The following HDLBP variants were observed in gnomAD, a reference collection of about 807,000 sequenced individuals.
HDLBP encodes the protein high density lipoprotein binding protein.
HDLBP carries 30 observed loss-of-function variants against 137.3 expected under a neutral mutation model. The ratio of observed to expected loss-of-function variants is 0.22; its 90% CI spans 0.16 to 0.30. The LOEUF is 0.30. HDLBP is among the 10% of genes least tolerant of loss of function. The pLI is 1.00. For synonymous variants in HDLBP, 606 were observed against 596.0 expected (o/e 1.02, Z -0.24); for missense variants, 1,119 against 1,667.3 (o/e 0.67, Z 5.73).
chr2:241,235,087 G>A, intron 23 of HDLBP, 34 bp downstream of exon 23: 1 of 1,607,160 alleles, frequency 6.2e-7, no homozygotes, highest in African/African-American at 1.3e-5. Context: ...GAGCACCATG[G>A]CTCTGGGCAG....
chr2:241,272,378 G>A lies in HDLBP; in HGVS notation c.-102-3837C>T. 1.0e-6 allele frequency: 1 copy of A among 984,142 alleles called. No homozygotes were observed. Among genetic ancestry groups the A allele is most frequent in the Non-Finnish European group, 1.2e-6 (1 of 829,568 alleles). The allele number at this position is 984,142 out of a possible 1,614,324, so 61.0% of individuals were successfully genotyped here. A position where few individuals can be genotyped will look rare whatever the true frequency, so the allele number is the denominator to read the frequency against. ...TCAGCGACCTGGGCTCAGGTCGGCCGCCCCTCCGCGCCGTGCGGCCACGGC... is the reference window on the plus strand; with the variant it reads ...TCAGCGACCTGGGCTCAGGTCGGCCACCCCTCCGCGCCGTGCGGCCACGGC... On this transcript the variant is annotated intron_variant, in intron 1 of 27. Transcript: ENST00000310931. The surrounding 1 kb of genome is among the most constrained non-coding windows in gnomAD (Gnocchi z 5.6).
Position 241,240,491 on chromosome 2 carries a change from C to A in HDLBP, c.2170-369G>T, listed in dbSNP as rs1264823383. On this transcript the variant is annotated intron_variant, in intron 17 of 27. Coordinates refer to ENST00000310931, the MANE Select transcript of HDLBP (RefSeq NM_005336.6). This position sits in a 1 kb window ranked among gnomAD's most constrained non-coding sequence, Gnocchi z 5.5. ...TTGGCGGAGTGCACGTCCTGGGGAG[C>A]GTGGGGTGTGCCCAGCAGAGCAGGA... Among the ~76,000 whole-genome samples the A allele has an allele frequency of 6.6e-6, 1 of 151,602 alleles. No homozygotes were observed. The highest frequency in any genetic ancestry group is 2.1e-4 in the South Asian group (1 of 4,828).
intron 1 of HDLBP, among the ~76,000 whole-genome samples, chr2:241,280,660 A>G (rs374758447): frequency 6.6e-6 from 1 of 152,252 alleles, no homozygotes; most frequent in African/African-American, 2.4e-5. Flanking sequence ...CAAATTGTAT[A>G]AAGAACACCA....
chr2:241,256,246 T>A lies in HDLBP; in HGVS notation c.811A>T (p.Thr271Ser). The A allele has an allele frequency of 6.2e-7, 1 of 1,614,148 alleles. No homozygotes were observed. The highest frequency in any genetic ancestry group is 1.1e-5 in the South Asian group (1 of 91,084). ...TGAGCCAACTGTTCCTTCTCTCCAG[T>A]GAAGACAATCTCTGTCCGGTTCACG... Reference protein sequence around the residue: ...PSVNRTEIVFTGEKEQLAQAV... With the variant: ...PSVNRTEIVFSGEKEQLAQAV... The change falls in exon 7 of 28, where the codon ACT becomes TCT. Residue 271 changes from threonine to serine, a missense_variant. Thr to Ser is a moderately conservative substitution (Grantham distance 58). Transcript: ENST00000310931.
chr2:241,291,168 A>G (rs2075002421), intron 1 of HDLBP, among the ~76,000 whole-genome samples: 1 of 152,252 alleles, frequency 6.6e-6, no homozygotes, highest in Non-Finnish European at 1.5e-5. Flanking sequence ...AAAATTTAGA[A>G]TAGGTAAGCG....
chr2:241,239,542 C>A lies in HDLBP; in HGVS notation c.2610+60G>T. 7.1e-7 allele frequency: 1 copy of A among 1,400,052 alleles called. No homozygotes were observed. 86.7% of individuals were successfully genotyped at this position (1,400,052 alleles called of 1,614,324 possible). On this transcript the variant is annotated intron_variant, in intron 19 of 27. Coordinates refer to ENST00000310931, the MANE Select transcript of HDLBP (RefSeq NM_005336.6). This position sits in a 1 kb window ranked among gnomAD's most constrained non-coding sequence, Gnocchi z 4.6. The stretch of plus-strand genomic sequence containing the variant: ...ACAGGGTGGAGCGAACACTCATACA[C>A]GGCTTCGGTGAGTGGCCACTGGGGG...
intron 1 of HDLBP, among the ~76,000 whole-genome samples, chr2:241,296,966 A>C (rs2075202133): frequency 6.6e-6 from 1 of 152,284 alleles, no homozygotes; most frequent in African/African-American, 2.4e-5. Flanking sequence ...AGGCAGTCAT[A>C]CTAAGTGGGA....
In HDLBP at chr2:241,256,242, C is replaced by G; in HGVS notation, c.815G>C (p.Gly272Ala). Reference sequence around the variant, plus strand: ...AGCCTGAGCCAACTGTTCCTTCTCTCCAGTGAAGACAATCTCTGTCCGGTT... The same window carrying G: ...AGCCTGAGCCAACTGTTCCTTCTCTGCAGTGAAGACAATCTCTGTCCGGTT... Reference protein sequence around the residue: ...SVNRTEIVFTGEKEQLAQAVA... With the variant: ...SVNRTEIVFTAEKEQLAQAVA... Residue 272 changes from glycine (G) to alanine (A), a missense_variant, in exon 7 of 28, where the codon GGA (glycine) becomes GCA (alanine). Physicochemically the swap from Gly to Ala is moderately conservative, Grantham distance 60. Transcript: ENST00000310931. 2 of 1,614,170 alleles carry G rather than the reference C, an allele frequency of 1.2e-6. No individual in the cohort carries two copies. Among genetic ancestry groups the G allele is most frequent in the Non-Finnish European group, 1.7e-6 (2 of 1,180,022 alleles).
At chr2:241,253,355 T>G (rs2072351613) in intron 10 of HDLBP, 38 bp downstream of exon 10, 3 of 1,402,700 alleles carry the variant, frequency 2.1e-6, no homozygotes, top group South Asian at 1.1e-5. Context: ...GAGCCTCCCT[T>G]GTCACCAGCA....
chr2:241,254,237 C>T (rs138234601), intron 9 of HDLBP, among the ~76,000 whole-genome samples: 147 of 152,068 alleles, frequency 9.7e-4, no homozygotes, highest in African/African-American at 3.5e-3. Context: ...GCACCCCAGC[C>T]TGGGTGACAG....
intron 17 of HDLBP, among the ~76,000 whole-genome samples, chr2:241,241,435 C>T (rs548788887): frequency 1.4e-4 from 22 of 151,864 alleles, no homozygotes; most frequent in African/African-American, 4.3e-4. Flanking sequence ...GGTGAGGTGT[C>T]GGGCGCCTGT....
chr2:241,307,597 C>G (rs1311164638), intron 1 of HDLBP, among the ~76,000 whole-genome samples: 1 of 151,976 alleles, frequency 6.6e-6, no homozygotes, highest in Admixed American at 6.6e-5. Flanking sequence ...AAACTGGCAA[C>G]CCCCCCATGA....
chr2:241,238,388 G>A lies in HDLBP; in HGVS notation c.2749+261C>T. 3.2e-6 allele frequency: 1 copy of A among 311,774 alleles called. No homozygotes were observed. The highest frequency in any genetic ancestry group is 5.9e-6 in the Non-Finnish European group (1 of 170,310). The allele number at this position is 311,774 out of a possible 1,614,324, so 19.3% of individuals were successfully genotyped here. Reference sequence around the variant, plus strand: ...ACTCGGGACACCCGAGGATGAGGCTGCACGCTCCTCATCGCCTTGGGACTG... The same window carrying A: ...ACTCGGGACACCCGAGGATGAGGCTACACGCTCCTCATCGCCTTGGGACTG... On this transcript the variant is annotated intron_variant, in intron 20 of 27. Transcript: ENST00000310931. The surrounding 1 kb of genome is among the most constrained non-coding windows in gnomAD (Gnocchi z 4.9).
intron 11 of HDLBP, 94 bp downstream of exon 11, chr2:241,252,863 A>T: frequency 1.2e-6 from 1 of 806,814 alleles, no homozygotes; most frequent in Non-Finnish European, 2.1e-6. Flanking sequence ...ATGGGCCTGG[A>T]CTGTCTGCAC....
chr2:241,250,111 A>G, intron 11 of HDLBP, 131 bp from the exon 12 acceptor site: 10 of 886,786 alleles, frequency 1.1e-5, no homozygotes, highest in Non-Finnish European at 1.7e-5. Context: ...AACGATGCTT[A>G]GCTTCCCAAA....
At position 241,227,702 on chromosome 2, in the gene HDLBP, A is replaced by G. The variant is rs1574812300; in HGVS notation, c.*1899T>C. Reference sequence around the variant, plus strand: ...GGAGAGGGTAGGGGCAGGATGTTTTATGACACTGTAGAAAAGACAGGAGGA... The same window carrying G: ...GGAGAGGGTAGGGGCAGGATGTTTTGTGACACTGTAGAAAAGACAGGAGGA... On this transcript the variant is annotated 3_prime_UTR_variant, in exon 28 of 28. Coordinates refer to ENST00000310931, the MANE Select transcript of HDLBP (RefSeq NM_005336.6). 1.3e-5 allele frequency: 2 copies of G among 152,736 alleles called. No homozygotes were observed. Among genetic ancestry groups the G allele is most frequent in the East Asian group, 1.9e-4 (1 of 5,188 alleles). The allele number at this position is 152,736 out of a possible 1,614,324, so 9.5% of individuals were successfully genotyped here.
intron 11 of HDLBP, 194 bp from the exon 12 acceptor site, chr2:241,250,174 A>C (rs2072013751): frequency 1.9e-6 from 1 of 515,500 alleles, no homozygotes; most frequent in East Asian, 3.4e-5. Context: ...CACCTGGATC[A>C]CAAGGGTTCT....
chr2:241,307,243 GA>G (rs2075613229), intron 1 of HDLBP, among the ~76,000 whole-genome samples: 1 of 152,184 alleles, frequency 6.6e-6, no homozygotes, highest in African/African-American at 2.4e-5. Context: ...ACAACAGAGG[GA>G]AAAGGCAAGC....
intron 22 of HDLBP, 78 bp from the exon 23 acceptor site, chr2:241,235,333 G>T (rs572471157): frequency 2.1e-5 from 33 of 1,590,882 alleles, no homozygotes; most frequent in Non-Finnish European, 2.7e-5. Flanking sequence ...GGACCCAGAA[G>T]TGGTGAGAGG....
Sources: gnomAD v4.1 joint callset for allele counts (sites outside exome capture counted in the v4.1 genomes callset) on GRCh38, gnomAD v4.1.1 for gene constraint, Gnocchi (gnomAD v3.1) non-coding constraint, MANE v1.5 for transcripts, NCBI Gene and HGNC (gene_info 2026-07-23, HGNC 2026-07-21) for gene names.